PCDHA1: variants seen among roughly 807,000 people sequenced by gnomAD.
PCDHA1 encodes the protein protocadherin alpha 1, also known as protocadherin alpha-1.
Under a neutral mutation model 61.3 loss-of-function variants are expected in PCDHA1, and 42 were observed. The observed-to-expected ratio is 0.69, with a 90% CI of 0.54 to 0.89. The LOEUF is 0.89. Among genes scored for constraint, PCDHA1 ranks in the 40% least tolerant of loss-of-function variants. The probability of loss-of-function intolerance (pLI) is 0.00; values close to 1 mark genes in which losing one functional copy is unlikely to be tolerated. For synonymous variants in PCDHA1, 610 were observed against 553.8 expected, an observed-to-expected ratio of 1.10 and a Z score of -1.43; for missense variants, 1,256 against 1,235.3, an observed-to-expected ratio of 1.02 and a Z score of -0.25.
intron 1 of PCDHA1, among the ~76,000 whole-genome samples, chr5:140,909,670 G>C (rs940080549): frequency 6.6e-6 from 1 of 152,142 alleles, no homozygotes; most frequent in African/African-American, 2.4e-5. Flanking sequence ...CACTCTACCA[G>C]TCAGGGAGCC....
At chr5:141,000,900 G>T (rs1020896392) in intron 3 of PCDHA1, among the ~76,000 whole-genome samples, 4 of 151,614 alleles carry the variant, frequency 2.6e-5, no homozygotes, top group African/African-American at 9.7e-5. Context: ...AGATATAGAC[G>T]CTGTCTCTAA....
chr5:140,925,254 A>G (rs1554202655), intron 1 of PCDHA1, among the ~76,000 whole-genome samples: 1 of 152,188 alleles, frequency 6.6e-6, no homozygotes, highest in African/African-American at 2.4e-5. Context: ...GGAAACTTTA[A>G]TTCTTGATCT....
At chr5:140,870,369 G>A (rs375892305) in intron 1 of PCDHA1, 117 of 1,614,088 alleles carry the variant, frequency 7.2e-5, no homozygotes, top group Admixed American at 2.3e-4. Context: ...CCTATGAACT[G>A]GTGGTGACTG....
In PCDHA1 at chr5:140,808,691, C is replaced by T. The variant is rs140993559; in HGVS notation, c.2394+20007C>T. On this transcript the variant is annotated intron_variant, in intron 1 of 3. Transcript: ENST00000504120. Reference sequence around the variant, plus strand: ...GCTGGTAGAGCGGCGGGTAGGGGAGCGCGCGCTGTCGAGCTACGTTTCGGT... The same window carrying T: ...GCTGGTAGAGCGGCGGGTAGGGGAGTGCGCGCTGTCGAGCTACGTTTCGGT... 8.2e-5 allele frequency: 132 copies of T among 1,611,952 alleles called. No homozygotes were observed. The highest frequency in any genetic ancestry group is 8.0e-4 in the African/African-American group (60 of 74,870).
In PCDHA1 at chr5:140,822,812, C is replaced by T. The variant is rs2150119563; in HGVS notation, c.2394+34128C>T. 1.3e-5 allele frequency: 21 copies of T among 1,613,956 alleles called. No homozygotes were observed. The East Asian group carries it at 2.5e-4, about 19-fold the overall frequency. On this transcript the variant is annotated intron_variant, in intron 1 of 3. Coordinates refer to ENST00000504120, the MANE Select transcript of PCDHA1 (RefSeq NM_018900.4). ...AAACTCCTGGATGTGAATGATAATACCCCAGAGATGGCCATAACCACCCTT... is the reference window on the plus strand; with the variant it reads ...AAACTCCTGGATGTGAATGATAATATCCCAGAGATGGCCATAACCACCCTT...
chr5:140,954,750 T>C (rs1045434392), intron 1 of PCDHA1, among the ~76,000 whole-genome samples: 7 of 152,228 alleles, frequency 4.6e-5, no homozygotes, highest in Non-Finnish European at 2.9e-5. Flanking sequence ...TAGTTTCTTT[T>C]GCTGTGCAGA....
chr5:140,988,675 A>C (rs574653772), intron 3 of PCDHA1, among the ~76,000 whole-genome samples: 1 of 152,228 alleles, frequency 6.6e-6, no homozygotes, highest in East Asian at 1.9e-4. Context: ...ACTCTAAGAT[A>C]ATTCTTTCCC....
At chr5:140,954,297 C>T (rs1369831854) in intron 1 of PCDHA1, among the ~76,000 whole-genome samples, 2 of 152,180 alleles carry the variant, frequency 1.3e-5, no homozygotes, top group African/African-American at 4.8e-5. Flanking sequence ...TGGGTACATA[C>T]CCAGTAATGG....
intron 3 of PCDHA1, among the ~76,000 whole-genome samples, chr5:140,996,253 A>C (rs2153938437): frequency 6.6e-6 from 1 of 152,370 alleles, no homozygotes; most frequent in African/African-American, 2.4e-5. Flanking sequence ...AAGTGACAGC[A>C]ACACAGAGCC....
chr5:140,861,388 G>T, intron 1 of PCDHA1: 1 of 450,376 alleles, frequency 2.2e-6, no homozygotes, highest in African/African-American at 2.0e-5. Context: ...CAGGACCTGG[G>T]TCTGGAGCTT....
At chr5:140,927,118 G>C in intron 1 of PCDHA1, 1 of 1,613,946 alleles carries the variant, frequency 6.2e-7, no homozygotes, top group Non-Finnish European at 8.5e-7. Context: ...CGGCAATTTG[G>C]TGGTCAGAGA....
intron 1 of PCDHA1, among the ~76,000 whole-genome samples, chr5:140,891,445 G>T (rs1036846382): frequency 6.7e-6 from 1 of 148,520 alleles, no homozygotes; most frequent in Non-Finnish European, 1.5e-5. Context: ...CCATTGTATA[G>T]GATTTTTGAA....
chr5:140,793,440 T>C (rs781928798), intron 1 of PCDHA1, among the ~76,000 whole-genome samples: 1 of 152,208 alleles, frequency 6.6e-6, no homozygotes, highest in Admixed American at 6.5e-5. Context: ...ATGGTACAAA[T>C]GAGTATCTTA....
At chr5:140,952,445 G>A (rs1187543872) in intron 1 of PCDHA1, among the ~76,000 whole-genome samples, 1 of 152,002 alleles carries the variant, frequency 6.6e-6, no homozygotes, top group Non-Finnish European at 1.5e-5. Flanking sequence ...GCATAATACA[G>A]CCAGGCTCTT....
chr5:140,853,924 T>G, intron 1 of PCDHA1: 1 of 905,060 alleles, frequency 1.1e-6, no homozygotes, highest in Non-Finnish European at 1.3e-6. Flanking sequence ...ATCCCAACAT[T>G]TTGGGAGGCC....
chr5:140,842,160 C>T (rs1777743066), intron 1 of PCDHA1: 3 of 1,613,732 alleles, frequency 1.9e-6, no homozygotes, highest in Non-Finnish European at 2.5e-6. Flanking sequence ...ATTTCATATT[C>T]TTTTAATAGC....
chr5:140,840,515 G>A (rs768946675), intron 1 of PCDHA1, among the ~76,000 whole-genome samples: 2 of 151,998 alleles, frequency 1.3e-5, no homozygotes, highest in African/African-American at 4.8e-5. Context: ...TTTTGGAGCA[G>A]AAGAAAGATG....
intron 3 of PCDHA1, among the ~76,000 whole-genome samples, chr5:140,995,791 T>C (rs547359105): frequency 1.3e-5 from 2 of 152,266 alleles, no homozygotes; most frequent in South Asian, 4.1e-4. Context: ...TTAAAATTTG[T>C]CTCATGTTAG....
chr5:140,925,935 CTCTTGGAG>C (rs35448813), intron 1 of PCDHA1, among the ~76,000 whole-genome samples: 7,062 of 152,190 alleles, frequency 0.046, 287 homozygotes, highest in African/African-American at 0.11. Context: ...CAAGTAGAGC[CTCTTGGAG>C]AAGGAGAAAC....
Sources: gnomAD v4.1 joint callset for allele counts (sites outside exome capture counted in the v4.1 genomes callset) on GRCh38, gnomAD v4.1.1 for gene constraint, MANE v1.5 for transcripts, NCBI Gene and HGNC (gene_info 2026-07-23, HGNC 2026-07-21) for gene names.